Variants in CSMD1 observed in about 807,000 individuals in gnomAD.
CSMD1 encodes CUB and Sushi multiple domains 1.
A neutral mutation model predicts 417.5 loss-of-function variants in CSMD1; 213 were observed. The ratio of observed to expected loss-of-function variants is 0.51; its 90% CI spans 0.46 to 0.57. CSMD1 has a LOEUF of 0.57. Ranked by LOEUF, CSMD1 falls within the 20% of genes least tolerant of loss-of-function variation. The pLI is 0.00. For missense variants in CSMD1, 6,923 were observed against 4,529.7 expected (o/e 1.53, Z -15.17); for synonymous variants, 2,862 against 1,736.8 (o/e 1.65, Z -16.11).
intron 2 of CSMD1, among the ~76,000 whole-genome samples, chr8:4,576,866 T>C (rs547087916): frequency 5.4e-4 from 82 of 152,340 alleles, no homozygotes; most frequent in African/African-American, 1.8e-3. Flanking sequence ...AATGCTTTAG[T>C]CACATACTTC....
intron 8 of CSMD1, among the ~76,000 whole-genome samples, chr8:3,592,693 C>CGTGT (rs10655852): frequency 0.12 from 17,764 of 143,414 alleles, 1,256 homozygotes; most frequent in Non-Finnish European, 0.16. Flanking sequence ...TGTGCACATC[C>CGTGT]GTGTGTGTGT....
intron 3 of CSMD1, among the ~76,000 whole-genome samples, chr8:4,192,247 A>G (rs1191008472): frequency 1.3e-5 from 2 of 152,238 alleles, no homozygotes; most frequent in Admixed American, 6.5e-5. Context: ...ATAGTTCGTT[A>G]GGATTATAAA....
chr8:3,550,341 T>G (rs766369659), intron 10 of CSMD1, among the ~76,000 whole-genome samples: 2 of 152,128 alleles, frequency 1.3e-5, no homozygotes, highest in Non-Finnish European at 2.9e-5. Context: ...GCAAACTCAT[T>G]CCTACTCCAG....
At chr8:3,282,754 G>C (rs1802834993) in intron 26 of CSMD1, among the ~76,000 whole-genome samples, 1 of 152,110 alleles carries the variant, frequency 6.6e-6, no homozygotes, top group African/African-American at 2.4e-5. Context: ...ACTATAACCA[G>C]AGGTAAGAAA....
chr8:3,337,981 A>T (rs978939), intron 23 of CSMD1, among the ~76,000 whole-genome samples: 105,786 of 152,062 alleles, frequency 0.7, 37,636 homozygotes, highest in African/African-American at 0.83. Context: ...ACGTCTGAAC[A>T]GTAGACACTT....
intron 4 of CSMD1, among the ~76,000 whole-genome samples, chr8:3,998,567 T>G (rs112595327): frequency 1.4e-4 from 21 of 152,302 alleles, no homozygotes; most frequent in African/African-American, 5.1e-4. Flanking sequence ...TTCCATAAAT[T>G]TGGGATTAAT....
At chr8:4,297,798 C>T (rs1797766807) in intron 3 of CSMD1, among the ~76,000 whole-genome samples, 1 of 152,084 alleles carries the variant, frequency 6.6e-6, no homozygotes, top group Admixed American at 6.6e-5. Context: ...AAAGGATTTT[C>T]AGTGAATTAT....
chr8:4,598,765 G>C (rs1010833849), intron 2 of CSMD1, among the ~76,000 whole-genome samples: 1 of 152,136 alleles, frequency 6.6e-6, no homozygotes, highest in East Asian at 1.9e-4. Context: ...AAAGCTCTAA[G>C]TAGGTGGAAA....
chr8:4,922,696 G>C (rs949014257), intron 1 of CSMD1, among the ~76,000 whole-genome samples: 1 of 152,186 alleles, frequency 6.6e-6, no homozygotes, highest in Non-Finnish European at 1.5e-5. Flanking sequence ...CAGACCTTCA[G>C]ATGACAGACC....
rs553743328 is a variant in CSMD1 at position 4,787,232 on chromosome 8, C to G, written c.86-149674G>C. The G allele has an allele frequency of 3.1e-4, 154 of 499,440 alleles. 4 individuals carry two copies. In the South Asian group the frequency reaches 3.5e-3, roughly 11 times the overall value. The allele number at this position is 499,440 out of a possible 1,614,324, so 30.9% of individuals were successfully genotyped here. ...CGCCAGGGGGCGCGCCTGGGGGCCG[C>G]GCCTCCTTCCCCGCCCAGAGATGCT... On this transcript the variant is annotated intron_variant, in intron 1 of 69. Transcript: ENST00000635120.
chr8:4,897,367 G>C (rs146817993), intron 1 of CSMD1, among the ~76,000 whole-genome samples: 2 of 151,926 alleles, frequency 1.3e-5, no homozygotes, highest in Admixed American at 6.5e-5. Flanking sequence ...TGGGCGAGTG[G>C]GGTACCAATT....
chr8:4,901,202 T>C lies in CSMD1; in HGVS notation c.85+93130A>G, dbSNP rs1262283870. ...AAAGTTAGTATAGATCAACCTCTTT[T>C]ATTTTGTAGAAACAACTATATTTCA... On this transcript the variant is annotated intron_variant, in intron 1 of 69. Transcript: ENST00000635120. 3.9e-5 allele frequency among the ~76,000 whole-genome samples: 6 copies of C among 152,214 alleles called. No individual in the cohort carries two copies. In the East Asian group the frequency reaches 9.6e-4, roughly 24 times the overall value.
At chr8:4,368,556 C>G (rs1037434691) in intron 3 of CSMD1, among the ~76,000 whole-genome samples, 1 of 152,084 alleles carries the variant, frequency 6.6e-6, no homozygotes, top group Non-Finnish European at 1.5e-5. Context: ...GGTACTAGCT[C>G]TTTTTTGTAC....
chr8:3,923,371 C>T (rs1809415773), intron 5 of CSMD1, among the ~76,000 whole-genome samples: 2 of 152,158 alleles, frequency 1.3e-5, no homozygotes, highest in South Asian at 4.1e-4. Flanking sequence ...GTCCCCTTCC[C>T]ATTGCAATTT....
chr8:3,182,834 A>T (rs1821459827), intron 36 of CSMD1, among the ~76,000 whole-genome samples: 1 of 15,292 alleles, frequency 6.5e-5, no homozygotes, highest in Non-Finnish European at 1.8e-4. Flanking sequence ...CTGTCTCTTT[A>T]TAAGAAGGTG....
chr8:4,728,862 A>G (rs113685837), intron 1 of CSMD1, among the ~76,000 whole-genome samples: 1 of 152,186 alleles, frequency 6.6e-6, no homozygotes, highest in Non-Finnish European at 1.5e-5. Context: ...GATTAATAAA[A>G]GAGGGGAAGG....
chr8:3,018,634 G>A lies in CSMD1; in HGVS notation c.7872C>T (p.Ser2624=). 2 of 1,611,402 alleles carry A rather than the reference G, an allele frequency of 1.2e-6. No homozygotes were observed. Among genetic ancestry groups the A allele is most frequent in the Non-Finnish European group, 1.7e-6 (2 of 1,178,620 alleles). ...RPSCRVISCG[S]LSFPPNGNKI... ...TGTTGCCATTTGGGGGAAAGGAAAG[G>A]CTTCCACACGAGATAACTAGAAGGA... Residue 2624 remains serine, a synonymous_variant, in exon 52 of 70, where the codon AGC becomes AGT. Coordinates refer to ENST00000635120, the MANE Select transcript of CSMD1 (RefSeq NM_033225.6).
intron 23 of CSMD1, among the ~76,000 whole-genome samples, chr8:3,342,794 C>G (rs1807745114): frequency 6.6e-6 from 1 of 152,014 alleles, no homozygotes; most frequent in East Asian, 1.9e-4. Flanking sequence ...TCTCTCGTCT[C>G]AAAAATTAAT....
chr8:4,884,060 G>T (rs886734430), intron 1 of CSMD1, among the ~76,000 whole-genome samples: 1 of 151,926 alleles, frequency 6.6e-6, no homozygotes, highest in Non-Finnish European at 1.5e-5. Context: ...ACTATGGTTG[G>T]ATTTGCATTT....
Sources: gnomAD v4.1 joint callset for allele counts (sites outside exome capture counted in the v4.1 genomes callset) on GRCh38, gnomAD v4.1.1 for gene constraint, MANE v1.5 for transcripts, NCBI Gene and HGNC (gene_info 2026-07-23, HGNC 2026-07-21) for gene names.